The following MAP3K7 variants were observed in gnomAD, a reference collection of about 807,000 sequenced individuals.
MAP3K7 encodes the protein TGF-beta activated kinase 1.
MAP3K7 carries 21 observed loss-of-function variants against 84.8 expected under a neutral mutation model. That is an observed-to-expected ratio of 0.25 (90% CI 0.18 to 0.36). MAP3K7 has a LOEUF of 0.36. Among genes scored for constraint, MAP3K7 ranks in the 10% least tolerant of loss-of-function variants. MAP3K7 has a pLI of 1.00. For synonymous variants in MAP3K7, 241 were observed against 247.7 expected (o/e 0.97, Z 0.25); for missense variants, 503 against 747.7 (o/e 0.67, Z 3.82).
chr6:90,553,620 A>G, intron 6 of MAP3K7, 34 bp from the exon 7 acceptor site: 1 of 1,568,596 alleles, frequency 6.4e-7, no homozygotes, highest in Non-Finnish European at 8.6e-7. Context: ...TAACCTAAAG[A>G]CTATTTTTCC....
intron 13 of MAP3K7, among the ~76,000 whole-genome samples, chr6:90,532,531 A>C (rs966465435): frequency 6.6e-6 from 1 of 152,230 alleles, no homozygotes; most frequent in African/African-American, 2.4e-5. Context: ...TATAAAGTCC[A>C]TATGGAAATG....
intron 13 of MAP3K7, among the ~76,000 whole-genome samples, chr6:90,530,415 G>A (rs1244834181): frequency 6.6e-6 from 1 of 152,084 alleles, no homozygotes; most frequent in East Asian, 1.9e-4. Flanking sequence ...TACTCCTTAA[G>A]CTTAAATCTT....
At chr6:90,555,413 G>A (rs577886374) in intron 6 of MAP3K7, among the ~76,000 whole-genome samples, 11 of 152,054 alleles carry the variant, frequency 7.2e-5, no homozygotes, top group South Asian at 6.2e-4. Flanking sequence ...CCGCCACCAC[G>A]CCCGGCGAAT....
Position 90,515,059 on chromosome 6 carries a change from G to C in MAP3K7, c.*1442C>G, listed in dbSNP as rs953857776. 6.6e-6 allele frequency: 1 copy of C among 151,950 alleles called. No individual in the cohort carries two copies. The highest frequency in any genetic ancestry group is 2.4e-5 in the African/African-American group (1 of 41,414). The allele number at this position is 151,950 out of a possible 1,614,324, so 9.4% of individuals were successfully genotyped here. On this transcript the variant is annotated 3_prime_UTR_variant, in exon 17 of 17. Transcript: ENST00000369329. ...AAGTTACCTGCTTTAGCATTTTAAA[G>C]AATAGTTTTGATAACTTCTTAGATC...
chr6:90,580,505 G>C (rs1485387700), intron 1 of MAP3K7, among the ~76,000 whole-genome samples: 2 of 152,068 alleles, frequency 1.3e-5, no homozygotes, highest in African/African-American at 4.8e-5. Flanking sequence ...ATTTTTTATA[G>C]AGACAGGGTC....
At chr6:90,537,949 T>C (rs1775732063) in intron 12 of MAP3K7, among the ~76,000 whole-genome samples, 1 of 151,958 alleles carries the variant, frequency 6.6e-6, no homozygotes, top group Admixed American at 6.6e-5. Context: ...CCGACACATG[T>C]GTCTATAAAC....
intron 16 of MAP3K7, among the ~76,000 whole-genome samples, chr6:90,516,928 A>G (rs1774984213): frequency 6.6e-6 from 1 of 151,954 alleles, no homozygotes; most frequent in Admixed American, 6.6e-5. Flanking sequence ...TAAAATGGTA[A>G]AATAAAAGTT....
chr6:90,582,033 C>T (rs1777289133), intron 1 of MAP3K7, among the ~76,000 whole-genome samples: 1 of 152,130 alleles, frequency 6.6e-6, no homozygotes, highest in African/African-American at 2.4e-5. Context: ...AGCTTTGTTC[C>T]TACACTATAG....
At chr6:90,548,007 T>C (rs1170794933) in intron 10 of MAP3K7, 40 bp downstream of exon 10, 1 of 1,564,226 alleles carries the variant, frequency 6.4e-7, no homozygotes. Context: ...TTGTGACTAC[T>C]GGTAAGGTTA....
intron 14 of MAP3K7, among the ~76,000 whole-genome samples, chr6:90,520,709 A>AACAT (rs1381089287): frequency 6.6e-6 from 1 of 152,088 alleles, no homozygotes; most frequent in Non-Finnish European, 1.5e-5. Flanking sequence ...ATACAGTACT[A>AACAT]ACATAAATGT....
At chr6:90,526,648 A>G (rs1028060773) in intron 13 of MAP3K7, among the ~76,000 whole-genome samples, 3 of 152,060 alleles carry the variant, frequency 2.0e-5, no homozygotes, top group Non-Finnish European at 4.4e-5. Flanking sequence ...TAGTTAAAAA[A>G]AAGAATTTGC....
At chr6:90,519,828 C>T (rs1004871040) in intron 14 of MAP3K7, among the ~76,000 whole-genome samples, 1 of 151,932 alleles carries the variant, frequency 6.6e-6, no homozygotes, top group Non-Finnish European at 1.5e-5. Context: ...TGACCTCCAC[C>T]ACTCATCCTG....
rs751622855 is a variant in MAP3K7, at chr6:90,568,644, C to T, written c.232-21G>A. The T allele has an allele frequency of 6.9e-6, 11 of 1,586,170 alleles. No individual in the cohort carries two copies. In the African/African-American group the frequency reaches 1.5e-4, roughly 22 times the overall value. ...CGAAGCTGTTAAGAAATTAAGGTTT[C>T]TTTTAAAAAGTGATAACTTTTGAAG... is the stretch of plus-strand genomic sequence containing the variant. On this transcript the variant is annotated intron_variant, in intron 2 of 16. Coordinates refer to ENST00000369329, the MANE Select transcript of MAP3K7 (RefSeq NM_145331.3).
intron 12 of MAP3K7, 40 bp downstream of exon 12, chr6:90,544,512 G>C (rs1775942281): frequency 1.3e-6 from 2 of 1,553,386 alleles, no homozygotes; most frequent in African/African-American, 1.4e-5. Context: ...CATTATTCCG[G>C]TTCCACAGCT....
At chr6:90,582,421 A>G (rs1368429127) in intron 1 of MAP3K7, among the ~76,000 whole-genome samples, 1 of 152,216 alleles carries the variant, frequency 6.6e-6, no homozygotes, top group African/African-American at 2.4e-5. Context: ...AAAGTGAATA[A>G]AGCGCCTTAC....
intron 1 of MAP3K7, among the ~76,000 whole-genome samples, chr6:90,586,443 T>C (rs949642622): frequency 6.7e-6 from 1 of 150,118 alleles, no homozygotes; most frequent in Non-Finnish European, 1.5e-5. Flanking sequence ...ACGGCTACGA[T>C]CTTCGCTGAA....
chr6:90,546,376 T>C (rs1776001439), intron 11 of MAP3K7, among the ~76,000 whole-genome samples: 1 of 152,222 alleles, frequency 6.6e-6, no homozygotes, highest in African/African-American at 2.4e-5. Context: ...TATATACATT[T>C]ATACACATAC....
chr6:90,534,506 T>A (rs1351599021), intron 13 of MAP3K7, among the ~76,000 whole-genome samples: 1 of 152,076 alleles, frequency 6.6e-6, no homozygotes, highest in Non-Finnish European at 1.5e-5. Context: ...CTCACCCATA[T>A]CAAACTCTCC....
intron 14 of MAP3K7, among the ~76,000 whole-genome samples, chr6:90,520,291 C>G (rs1775106324): frequency 6.6e-6 from 1 of 151,988 alleles, no homozygotes; most frequent in Non-Finnish European, 1.5e-5. Context: ...AGACAGCAGA[C>G]GCACTGTATG....
Sources: allele counts gnomAD v4.1 joint callset (sites outside exome capture counted in the v4.1 genomes callset), GRCh38; gene constraint gnomAD v4.1.1; transcripts MANE v1.5; gene names NCBI Gene and HGNC (gene_info 2026-07-23, HGNC 2026-07-21).